Variants in TMEM213 observed in about 807,000 individuals in gnomAD.
TMEM213 encodes transmembrane protein 213.
TMEM213 carries 7 observed loss-of-function variants against 11.6 expected under a neutral mutation model. The observed-to-expected ratio is 0.60, with a 90% CI of 0.34 to 1.13. TMEM213 has a LOEUF of 1.13. TMEM213 is among the 50% of genes most tolerant of loss of function. TMEM213 has a pLI of 0.03. For synonymous variants in TMEM213, 60 were observed against 58.3 expected, an observed-to-expected ratio of 1.03 and a Z score of -0.13; for missense variants, 129 against 139.0, an observed-to-expected ratio of 0.93 and a Z score of 0.36.
In TMEM213 at chr7:138,801,560, G is replaced by T. The variant is rs1293491475; in HGVS notation, c.154+162G>T. On this transcript the variant is annotated intron_variant, in intron 2 of 2. Transcript: ENST00000442682. Reference sequence around the variant, plus strand: ...TTGTCCCAGAACTATTTGCAGAGCAGGTCTGAAAGGCTTTCTTGGCTCTGA... The same window carrying T: ...TTGTCCCAGAACTATTTGCAGAGCATGTCTGAAAGGCTTTCTTGGCTCTGA... 9.1e-6 allele frequency: 6 copies of T among 657,244 alleles called. No individual in the cohort carries two copies. In the African/African-American group the frequency reaches 1.1e-4, roughly 12 times the overall value. 40.7% of individuals were successfully genotyped at this position (657,244 alleles called of 1,614,324 possible).
At chr7:138,799,349 A>G (rs1035151988) in intron 1 of TMEM213, 2 of 152,202 alleles carry the variant, frequency 1.3e-5, no homozygotes, top group African/African-American at 4.8e-5. Flanking sequence ...GGAGCTCAGA[A>G]TCAGAAGACA....
At position 138,803,349 on chromosome 7, in the gene TMEM213, A is replaced by C. The variant is rs1809008388; in HGVS notation, c.*280A>C. The C allele has an allele frequency of 2.5e-6, 1 of 401,316 alleles. No homozygotes were observed. The highest frequency in any genetic ancestry group is 2.1e-5 in the African/African-American group (1 of 47,874). 24.9% of individuals were successfully genotyped at this position (401,316 alleles called of 1,614,324 possible). A position where few individuals can be genotyped will look rare whatever the true frequency, so the allele number is the denominator to read the frequency against. On this transcript the variant is annotated 3_prime_UTR_variant, in exon 3 of 3. Transcript: ENST00000442682. ...GTTTTAACCTTTCTTCTAGGCACCA[A>C]GGGAGGTGCACAAGAAACTATAAGA...
Position 138,805,386 on chromosome 7 carries a change from C to G in TMEM213, c.*2317C>G, listed in dbSNP as rs1175179179. On this transcript the variant is annotated 3_prime_UTR_variant, in exon 3 of 3. Coordinates refer to ENST00000442682, the MANE Select transcript of TMEM213 (RefSeq NM_001085429.2). ...CTCCAGCCTGGGCAACAAAGTGAGA[C>G]CCTGTCTGGAAAAAAAAAAAAAAAA... is the stretch of plus-strand genomic sequence containing the variant. The G allele has an allele frequency of 6.8e-6, 1 of 147,360 alleles. No individual in the cohort carries two copies. The highest frequency in any genetic ancestry group is 1.5e-5 in the Non-Finnish European group (1 of 67,686). The allele number at this position is 147,360 out of a possible 1,614,324, so 9.1% of individuals were successfully genotyped here. A position where few individuals can be genotyped will look rare whatever the true frequency, so the allele number is the denominator to read the frequency against.
chr7:138,798,804 C>A (rs2130257512), intron 1 of TMEM213, among the ~76,000 whole-genome samples: 1 of 152,282 alleles, frequency 6.6e-6, no homozygotes, highest in Admixed American at 6.5e-5. Flanking sequence ...CTTGCCCTGC[C>A]AGGCCGGGTT....
chr7:138,798,133 C>A lies in TMEM213; in HGVS notation c.29C>A (p.Ala10Asp). The A allele has an allele frequency of 6.2e-7, 1 of 1,601,498 alleles. No individual in the cohort carries two copies. Among genetic ancestry groups the A allele is most frequent in the Non-Finnish European group, 8.5e-7 (1 of 1,174,672 alleles). Residue 10 changes from alanine (A) to aspartate (D), a missense_variant, in exon 1 of 3, where the codon GCC (alanine) becomes GAC (aspartate). By Grantham distance (126) the Ala-to-Asp change is moderately radical (BLOSUM62 -2). Coordinates refer to ENST00000442682, the MANE Select transcript of TMEM213 (RefSeq NM_001085429.2). The part of the protein sequence containing the change: MQRLPAATR[A>D]TLILSLAFAS... ...CAGCGCCTCCCCGCTGCCACCCGGG[C>A]CACCCTGATCCTCAGCCTGGCCTTT... is the stretch of plus-strand genomic sequence containing the variant.
At chr7:138,799,163 G>A (rs1041060295) in intron 1 of TMEM213, among the ~76,000 whole-genome samples, 1 of 152,150 alleles carries the variant, frequency 6.6e-6, no homozygotes, top group African/African-American at 2.4e-5. Flanking sequence ...CATAGTGCTT[G>A]TCAAGACGAA....
chr7:138,802,635 CG>C (rs1193140891), intron 2 of TMEM213, among the ~76,000 whole-genome samples: 1 of 151,864 alleles, frequency 6.6e-6, no homozygotes, highest in African/African-American at 2.4e-5. Context: ...TGCAGACTTG[CG>C]TTTGAGTTCT....
chr7:138,802,422 G>A (rs936153634), intron 2 of TMEM213, among the ~76,000 whole-genome samples: 7 of 151,596 alleles, frequency 4.6e-5, no homozygotes, highest in South Asian at 2.1e-4. Context: ...GTGGTGGTGC[G>A]TGCCTGTAAT....
chr7:138,802,805 A>G (rs1808990482), intron 2 of TMEM213, 95 bp from the exon 3 acceptor site: 4 of 1,316,188 alleles, frequency 3.0e-6, no homozygotes, highest in Non-Finnish European at 3.0e-6. Flanking sequence ...AGTGTCAGCT[A>G]CCGTGCTGTG....
chr7:138,804,286 C>T lies in TMEM213; in HGVS notation c.*1217C>T, dbSNP rs1029037097. 4 of 152,404 alleles carry T rather than the reference C, an allele frequency of 2.6e-5. No individual in the cohort carries two copies. Among genetic ancestry groups the T allele is most frequent in the African/African-American group, 9.6e-5 (4 of 41,456 alleles). 9.4% of individuals were successfully genotyped at this position (152,404 alleles called of 1,614,324 possible). On this transcript the variant is annotated 3_prime_UTR_variant, in exon 3 of 3. Coordinates refer to ENST00000442682, the MANE Select transcript of TMEM213 (RefSeq NM_001085429.2). ...CCAGCATTCAGCTCTTTGGAGGAGT[C>T]CATCTGTCCCCCAGCACATCCAGGA...
At position 138,805,661 on chromosome 7, in the gene TMEM213, G is replaced by A. The variant is rs1809087212; in HGVS notation, c.*2592G>A. 1 of 152,174 alleles carries A rather than the reference G, an allele frequency of 6.6e-6. No homozygotes were observed. Among genetic ancestry groups the A allele is most frequent in the African/African-American group, 2.4e-5 (1 of 41,432 alleles). 9.4% of individuals were successfully genotyped at this position (152,174 alleles called of 1,614,324 possible). A position where few individuals can be genotyped will look rare whatever the true frequency, so the allele number is the denominator to read the frequency against. ...AAATTAAGATTTATTTCTGGCCAATGTGAACAGAAATAAGTCACTTTATCT... is the reference window on the plus strand; with the variant it reads ...AAATTAAGATTTATTTCTGGCCAATATGAACAGAAATAAGTCACTTTATCT... On this transcript the variant is annotated 3_prime_UTR_variant, in exon 3 of 3. Coordinates refer to ENST00000442682, the MANE Select transcript of TMEM213 (RefSeq NM_001085429.2).
chr7:138,800,164 G>C (rs1026772142), intron 1 of TMEM213, among the ~76,000 whole-genome samples: 1 of 152,118 alleles, frequency 6.6e-6, no homozygotes, highest in African/African-American at 2.4e-5. Context: ...TGTCTGAGTG[G>C]TGCTTCCAAT....
chr7:138,798,082 G>T lies in TMEM213; in HGVS notation c.-23G>T. ...TCCGCAGGACCGGCTCACCTGCACC[G>T]GGCACTCAGCACAGCCTCCAGCATG... On this transcript the variant is annotated 5_prime_UTR_variant, in exon 1 of 3. Coordinates refer to ENST00000442682, the MANE Select transcript of TMEM213 (RefSeq NM_001085429.2). The T allele has an allele frequency of 6.3e-7, 1 of 1,584,804 alleles. No individual in the cohort carries two copies. Among genetic ancestry groups the T allele is most frequent in the East Asian group, 2.3e-5 (1 of 43,238 alleles).
Position 138,805,276 on chromosome 7 carries a change from T to A in TMEM213, c.*2207T>A, listed in dbSNP as rs987767535. 2.0e-5 allele frequency: 3 copies of A among 151,168 alleles called. No homozygotes were observed. Among genetic ancestry groups the A allele is most frequent in the African/African-American group, 4.9e-5 (2 of 41,014 alleles). The allele number at this position is 151,168 out of a possible 1,614,324, so 9.4% of individuals were successfully genotyped here. A position where few individuals can be genotyped will look rare whatever the true frequency, so the allele number is the denominator to read the frequency against. ...CAGGCGTGGTGGTGCACACTGATAGTCCCAGCTACTCAGGAGGCTGAGGGA... is the reference window on the plus strand; with the variant it reads ...CAGGCGTGGTGGTGCACACTGATAGACCCAGCTACTCAGGAGGCTGAGGGA... On this transcript the variant is annotated 3_prime_UTR_variant, in exon 3 of 3. Coordinates refer to ENST00000442682, the MANE Select transcript of TMEM213 (RefSeq NM_001085429.2).
rs538415670 is a variant in TMEM213, at chr7:138,806,514, A to G, written c.*3445A>G. The G allele has an allele frequency of 6.6e-6, 1 of 152,332 alleles. No individual in the cohort carries two copies. Among genetic ancestry groups the G allele is most frequent in the South Asian group, 2.1e-4 (1 of 4,822 alleles). 9.4% of individuals were successfully genotyped at this position (152,332 alleles called of 1,614,324 possible). A position where few individuals can be genotyped will look rare whatever the true frequency, so the allele number is the denominator to read the frequency against. On this transcript the variant is annotated 3_prime_UTR_variant, in exon 3 of 3. Transcript: ENST00000442682. ...GGTGACAGAGTGAGACCTTGCCTCA[A>G]AAAGAAAAAAATAAAGAAAAGAAAA...
In TMEM213 at chr7:138,805,635, G is replaced by A. The variant is rs1809086731; in HGVS notation, c.*2566G>A. 1 of 152,074 alleles carries A rather than the reference G, an allele frequency of 6.6e-6. No individual in the cohort carries two copies. Among genetic ancestry groups the A allele is most frequent in the Non-Finnish European group, 1.5e-5 (1 of 68,014 alleles). 9.4% of individuals were successfully genotyped at this position (152,074 alleles called of 1,614,324 possible). A position where few individuals can be genotyped will look rare whatever the true frequency, so the allele number is the denominator to read the frequency against. On this transcript the variant is annotated 3_prime_UTR_variant, in exon 3 of 3. Coordinates refer to ENST00000442682, the MANE Select transcript of TMEM213 (RefSeq NM_001085429.2). ...AGAGTACTATCTTTTTTTAAAAAGG[G>A]AAATTAAGATTTATTTCTGGCCAAT...
rs746508351 is a variant in TMEM213 at position 138,798,119 on chromosome 7, C to T, written c.15C>T (p.Pro5=). The change falls in exon 1 of 3, where the codon CCC becomes CCT. Residue 5 remains proline, a synonymous_variant. Transcript: ENST00000442682. MQRL[P]AATRATLILS... is the part of the protein sequence containing the mutation. ...CAGCCTCCAGCATGCAGCGCCTCCCCGCTGCCACCCGGGCCACCCTGATCC... is the reference window on the plus strand; with the variant it reads ...CAGCCTCCAGCATGCAGCGCCTCCCTGCTGCCACCCGGGCCACCCTGATCC... The T allele has an allele frequency of 2.1e-5, 33 of 1,599,864 alleles. No individual in the cohort carries two copies. Among genetic ancestry groups the T allele is most frequent in the African/African-American group, 2.7e-5 (2 of 74,682 alleles).
rs920202275 is a variant in TMEM213, at chr7:138,803,266, C to G, written c.*197C>G. ...TGCCCTTGCATGTCACTCCCAAGGG[C>G]CCCTGGGCTGTGCCCAGGTAACTCC... On this transcript the variant is annotated 3_prime_UTR_variant, in exon 3 of 3. Transcript: ENST00000442682. The G allele has an allele frequency of 6.2e-5, 40 of 641,586 alleles. No individual in the cohort carries two copies. The highest frequency in any genetic ancestry group is 9.5e-5 in the Non-Finnish European group (37 of 389,848). The allele number at this position is 641,586 out of a possible 1,614,324, so 39.7% of individuals were successfully genotyped here. A position where few individuals can be genotyped will look rare whatever the true frequency, so the allele number is the denominator to read the frequency against.
Position 138,803,033 on chromosome 7 carries a change from G to A in TMEM213, c.288G>A (p.Lys96=), listed in dbSNP as rs898795449. 7 of 1,613,646 alleles carry A rather than the reference G, an allele frequency of 4.3e-6. No homozygotes were observed. The African/African-American group carries it at 8.0e-5, about 18-fold the overall frequency. The part of the protein sequence containing the change: ...LILLCVDKLM[K]LTPDEPKDLQ... ...TGCTCTGTGTGGACAAACTGATGAA[G>A]CTGACTCCAGATGAGCCCAAGGACT... The change falls in exon 3 of 3, where the codon AAG becomes AAA. Residue 96 remains lysine, a synonymous_variant. Coordinates refer to ENST00000442682, the MANE Select transcript of TMEM213 (RefSeq NM_001085429.2).
Sources: gnomAD v4.1 joint callset for allele counts (sites outside exome capture counted in the v4.1 genomes callset) on GRCh38, gnomAD v4.1.1 for gene constraint, MANE v1.5 for transcripts, NCBI Gene and HGNC (gene_info 2026-07-23, HGNC 2026-07-21) for gene names.